Variants in AKAP19 observed in about 807,000 individuals in gnomAD.
AKAP19 encodes the protein A-kinase anchoring protein 19.
chr2:189,906,391 T>A, the AKAP19 span, among the ~76,000 whole-genome samples: 1 of 152,094 alleles, frequency 6.6e-6, no homozygotes, highest in South Asian at 2.1e-4. Context: ...ATAGTATTTT[T>A]AGATATTTTC....
At chr2:190,187,003 C>G in the AKAP19 span, among the ~76,000 whole-genome samples, 1 of 152,088 alleles carries the variant, frequency 6.6e-6, no homozygotes, top group Admixed American at 6.5e-5. Flanking sequence ...CCATGCCCAG[C>G]TGATTTTTGT....
chr2:190,038,687 A>G, the AKAP19 span, among the ~76,000 whole-genome samples: 1 of 152,164 alleles, frequency 6.6e-6, no homozygotes, highest in African/African-American at 2.4e-5. Flanking sequence ...AATTGATATT[A>G]TATCCCAATA....
chr2:189,917,483 A>G, the AKAP19 span: 2 of 679,984 alleles, frequency 2.9e-6, no homozygotes, highest in Non-Finnish European at 2.6e-6. Context: ...TCTTTGAAAC[A>G]GATATTCTGC....
the AKAP19 span, among the ~76,000 whole-genome samples, chr2:189,919,162 G>C: frequency 6.6e-6 from 1 of 152,120 alleles, no homozygotes; most frequent in Non-Finnish European, 1.5e-5. Flanking sequence ...TGGACAGGGG[G>C]GACTACTGTA....
the AKAP19 span, among the ~76,000 whole-genome samples, chr2:190,165,793 CA>C: frequency 6.6e-6 from 1 of 152,032 alleles, no homozygotes; most frequent in African/African-American, 2.4e-5. Context: ...TTAAGGAACT[CA>C]ACAAATTCCA....
the AKAP19 span, among the ~76,000 whole-genome samples, chr2:190,187,983 A>G: frequency 6.6e-6 from 1 of 152,210 alleles, no homozygotes; most frequent in African/African-American, 2.4e-5. Flanking sequence ...TAGAGCTTTG[A>G]GCCTTCAAAT....
chr2:189,990,644 G>T, the AKAP19 span, among the ~76,000 whole-genome samples: 1 of 152,096 alleles, frequency 6.6e-6, no homozygotes. Flanking sequence ...GTGGAGAAGG[G>T]TTATTTCTCT....
At chr2:190,070,513 A>G in the AKAP19 span, among the ~76,000 whole-genome samples, 3 of 151,806 alleles carry the variant, frequency 2.0e-5, no homozygotes, top group Non-Finnish European at 4.4e-5. Flanking sequence ...TGGGAACTCT[A>G]AGAACTACAT....
At chr2:189,930,795 C>T in the AKAP19 span, 3 of 819,210 alleles carry the variant, frequency 3.7e-6, no homozygotes, top group Non-Finnish European at 6.5e-6. Context: ...CTCCTTTAGG[C>T]AGATGTTGTA....
the AKAP19 span, among the ~76,000 whole-genome samples, chr2:189,993,799 G>A: frequency 6.6e-6 from 1 of 152,012 alleles, no homozygotes; most frequent in African/African-American, 2.4e-5. Flanking sequence ...GCACATAAAG[G>A]TGTTCATAGT....
the AKAP19 span, among the ~76,000 whole-genome samples, chr2:190,163,558 C>T: frequency 1.3e-5 from 2 of 151,910 alleles, no homozygotes; most frequent in South Asian, 4.1e-4. Flanking sequence ...CTTTAGTTTT[C>T]ATCTATTTAA....
the AKAP19 span, among the ~76,000 whole-genome samples, chr2:189,947,309 G>C: frequency 4.1e-3 from 628 of 152,180 alleles, 3 homozygotes; most frequent in African/African-American, 0.015. Flanking sequence ...CATTTCTTTG[G>C]CTTGATATAT....
At chr2:190,002,660 T>C in the AKAP19 span, among the ~76,000 whole-genome samples, 5 of 152,214 alleles carry the variant, frequency 3.3e-5, no homozygotes, top group East Asian at 5.8e-4. Flanking sequence ...CACTATGGGA[T>C]TGAACATCTG....
chr2:189,963,250 G>C, the AKAP19 span, among the ~76,000 whole-genome samples: 96 of 144,722 alleles, frequency 6.6e-4, 1 homozygote, highest in African/African-American at 2.4e-3. Context: ...CTGGAGTGCA[G>C]TGGCCGCGAT....
chr2:190,011,705 T>C, the AKAP19 span, among the ~76,000 whole-genome samples: 1 of 152,226 alleles, frequency 6.6e-6, no homozygotes, highest in African/African-American at 2.4e-5. Flanking sequence ...TCCCATTATG[T>C]ATTCTTGGCA....
At chr2:189,980,425 G>A in the AKAP19 span, among the ~76,000 whole-genome samples, 353 of 152,184 alleles carry the variant, frequency 2.3e-3, 2 homozygotes, top group Non-Finnish European at 4.1e-3. Flanking sequence ...TGCAACCTTC[G>A]CCTCCAAGGT....
chr2:189,930,810 G>A, the AKAP19 span: 3 of 821,204 alleles, frequency 3.7e-6, no homozygotes, highest in Non-Finnish European at 6.4e-6. Flanking sequence ...GTTGTATAAG[G>A]CCTATTCTTT....
chr2:190,051,939 G>A, the AKAP19 span, among the ~76,000 whole-genome samples: 3 of 151,804 alleles, frequency 2.0e-5, no homozygotes, highest in South Asian at 2.1e-4. Context: ...CCGGGTTCAC[G>A]CCATTCTCCT....
At chr2:189,940,391 A>G in the AKAP19 span, among the ~76,000 whole-genome samples, 2 of 151,784 alleles carry the variant, frequency 1.3e-5, no homozygotes, top group Non-Finnish European at 2.9e-5. Context: ...GCTTGCAGTG[A>G]GCTGAGATTG....
Sources: allele counts gnomAD v4.1 joint callset (sites outside exome capture counted in the v4.1 genomes callset), GRCh38; gene constraint gnomAD v4.1.1; transcripts MANE v1.5; gene names NCBI Gene and HGNC (gene_info 2026-07-23, HGNC 2026-07-21).